The following MKS1 variants were observed in gnomAD, a reference collection of about 807,000 sequenced individuals.
MKS1 encodes the protein tectonic-like complex member MKS1.
A neutral mutation model predicts 83.7 loss-of-function variants in MKS1; 70 were observed. That is an observed-to-expected ratio of 0.84 (90% CI 0.69 to 1.02). The LOEUF (loss-of-function observed/expected upper bound fraction) is 1.02. Ranked by LOEUF, MKS1 falls within the 50% of genes least tolerant of loss-of-function variation. The probability of loss-of-function intolerance (pLI) is 0.00; values close to 1 mark genes in which losing one functional copy is unlikely to be tolerated. For synonymous variants in MKS1, 251 were observed against 273.4 expected (o/e 0.92, Z 0.81); for missense variants, 681 against 726.9 (o/e 0.94, Z 0.73).
Position 58,209,544 on chromosome 17 carries a change from G to A in MKS1, c.1025-961C>T, listed in dbSNP as rs1284687795. The stretch of plus-strand genomic sequence containing the variant: ...GAGAAGGCCTCTCAGAGGCGACACA[G>A]GCTGAGACCTAAACTCAGAAAGAAC... On this transcript the variant is annotated intron_variant, in intron 11 of 17. Coordinates refer to ENST00000393119, the MANE Select transcript of MKS1 (RefSeq NM_017777.4). The surrounding 1 kb of genome is among the most constrained non-coding windows in gnomAD (Gnocchi z 4.1). Among the ~76,000 whole-genome samples the A allele has an allele frequency of 1.3e-5, 2 of 152,190 alleles. No individual in the cohort carries two copies. The highest frequency in any genetic ancestry group is 1.3e-4 in the Admixed American group (2 of 15,280).
intron 5 of MKS1, 148 bp from the exon 6 acceptor site, chr17:58,214,535 G>T (rs1969078197): frequency 7.3e-7 from 1 of 1,366,216 alleles, no homozygotes; most frequent in Non-Finnish European, 1.0e-6. Flanking sequence ...AAACAGAAAT[G>T]ACATCCCTTC....
At chr17:58,216,366 C>T in intron 3 of MKS1, 123 bp from the exon 4 acceptor site, 2 of 1,103,632 alleles carry the variant, frequency 1.8e-6, no homozygotes, top group Non-Finnish European at 1.3e-6. Context: ...TTTTCATAAC[C>T]AACACTAAAC....
intron 9 of MKS1, among the ~76,000 whole-genome samples, chr17:58,211,901 A>C (rs756260180): frequency 1.3e-5 from 2 of 152,188 alleles, no homozygotes; most frequent in Non-Finnish European, 2.9e-5. Context: ...TGACAAACAG[A>C]AATGGCACCC....
chr17:58,219,112 C>T, intron 1 of MKS1, 39 bp downstream of exon 1: 1 of 1,548,922 alleles, frequency 6.5e-7, no homozygotes, highest in African/African-American at 1.4e-5. Flanking sequence ...TCTAAGGACA[C>T]AAAAGCATGG....
chr17:58,210,949 A>C (rs1968837020), intron 10 of MKS1, 31 bp downstream of exon 10: 1 of 1,610,432 alleles, frequency 6.2e-7, no homozygotes, highest in African/African-American at 1.3e-5. Flanking sequence ...GTGCCTAAGC[A>C]TCAAGAGATC....
chr17:58,206,708 TGG>T, intron 15 of MKS1, 161 bp from the exon 16 acceptor site: 1 of 766,096 alleles, frequency 1.3e-6, no homozygotes, highest in Admixed American at 2.1e-5. Context: ...AGGCTAATAC[TGG>T]GCTATTGGGC....
chr17:58,212,356 TGCA>T lies in MKS1; in HGVS notation c.915+19_915+21del, dbSNP rs3217067. On this transcript the variant is annotated intron_variant, in intron 9 of 17. Transcript: ENST00000393119. ...TCCGGCTAAACACAGCTCACAGTGC[TGCA>T]GGAAGCCAAGCTACTCACCATCTCA... The T allele has an allele frequency of 0.099, 158,936 of 1,613,470 alleles. 8,110 individuals carry two copies. Among genetic ancestry groups the T allele is most frequent in the South Asian group, 0.11 (10,267 of 91,066 alleles).
In MKS1 at chr17:58,206,161, C is replaced by T. The variant is rs779093781; in HGVS notation, c.1598G>A (p.Arg533His). 41 of 1,613,932 alleles carry T rather than the reference C, an allele frequency of 2.5e-5. No individual in the cohort carries two copies. Among genetic ancestry groups the T allele is most frequent in the Admixed American group, 3.3e-5 (2 of 60,022 alleles). The change falls in exon 18 of 18, where the codon CGT becomes CAT. Residue 533 changes from arginine (R) to histidine (H), a missense_variant. Coordinates refer to ENST00000393119, the MANE Select transcript of MKS1 (RefSeq NM_017777.4). Reference protein sequence around the residue: ...SSIHNVLEAFRRARRRMQEAR... With the variant: ...SSIHNVLEAFHRARRRMQEAR... ...CTCCTGCATGCGGCGCCGGGCTCGA[C>T]GGAAGGCCTCTGTAAGGAAAGGAGA... is the stretch of plus-strand genomic sequence containing the variant.
At chr17:58,210,018 T>C (rs1185859951) in intron 11 of MKS1, among the ~76,000 whole-genome samples, 2 of 152,126 alleles carry the variant, frequency 1.3e-5, no homozygotes, top group African/African-American at 4.8e-5. Context: ...CTAGGGAAAG[T>C]GAGGGATCAA....
chr17:58,214,812 G>T lies in MKS1; in HGVS notation c.444C>A (p.Ala148=). ...CGACCAAGAATGAAGGCACCTCGCT[G>T]GCTGCAGTGGTCATTCTCTGACAGT... The part of the protein sequence containing the change: ...EEHCQRMTTA[A]SEVPSFLVER... Residue 148 remains alanine (A), a synonymous_variant, in exon 5 of 18, where the codon GCC becomes GCA. Transcript: ENST00000393119. The T allele has an allele frequency of 6.2e-7, 1 of 1,605,040 alleles. No individual in the cohort carries two copies. The highest frequency in any genetic ancestry group is 1.3e-5 in the African/African-American group (1 of 74,992).
chr17:58,206,938 G>T (rs1230139167), intron 15 of MKS1, 147 bp downstream of exon 15: 4 of 1,154,974 alleles, frequency 3.5e-6, no homozygotes, highest in Admixed American at 3.5e-5. Flanking sequence ...TCAAAATGTG[G>T]TCATGACTTC....
At chr17:58,213,730 G>T in intron 7 of MKS1, 35 bp downstream of exon 7, 1 of 1,506,354 alleles carries the variant, frequency 6.6e-7, no homozygotes, top group Non-Finnish European at 9.2e-7. Context: ...GGGAAGGAAT[G>T]CCAGTCTCCA....
Position 58,205,935 on chromosome 17 carries a change from G to A in MKS1, c.*144C>T. 6.6e-7 allele frequency: 1 copy of A among 1,511,490 alleles called. No individual in the cohort carries two copies. The highest frequency in any genetic ancestry group is 1.2e-5 in the South Asian group (1 of 80,030). The allele number at this position is 1,511,490 out of a possible 1,614,324, so 93.6% of individuals were successfully genotyped here. A position where few individuals can be genotyped will look rare whatever the true frequency, so the allele number is the denominator to read the frequency against. On this transcript the variant is annotated 3_prime_UTR_variant, in exon 18 of 18. Coordinates refer to ENST00000393119, the MANE Select transcript of MKS1 (RefSeq NM_017777.4). ...AAGACCCTGCAGAAGGCTAGGCAGA[G>A]GGGCCAGCCGGGAATTTCCCAGCTT...
chr17:58,211,156 C>T (rs1341713851), intron 9 of MKS1, 134 bp from the exon 10 acceptor site: 8 of 767,424 alleles, frequency 1.0e-5, no homozygotes, highest in Admixed American at 1.9e-5. Flanking sequence ...GCACTTTCTC[C>T]CCACCCTGAC....
chr17:58,206,861 G>T, intron 15 of MKS1: 1 of 656,978 alleles, frequency 1.5e-6, no homozygotes. Context: ...GGGAACCAGG[G>T]GAAATCTCTA....
chr17:58,216,138 G>A lies in MKS1; in HGVS notation c.367C>T (p.Arg123Ter), dbSNP rs762482919. 9 of 1,613,986 alleles carry A rather than the reference G, an allele frequency of 5.6e-6. No homozygotes were observed. In the East Asian group the frequency reaches 1.1e-4, roughly 20 times the overall value. The change falls in exon 4 of 18, where the codon CGA becomes TGA. Residue 123 changes from arginine to a stop codon, truncating the protein, a stop_gained. Coordinates refer to ENST00000393119, the MANE Select transcript of MKS1 (RefSeq NM_017777.4). LOFTEE classifies it high-confidence loss of function. ...KLENSGGKKN[R>*]RIFTYTDSDR... Reference sequence around the variant, plus strand: ...GAGTCAGTGTAGGTAAAGATTCGTCGGTTTTTCTTGCCACCCGAATTCTCC... The same window carrying A: ...GAGTCAGTGTAGGTAAAGATTCGTCAGTTTTTCTTGCCACCCGAATTCTCC...
Position 58,209,321 on chromosome 17 carries a change from G to GCA in MKS1, c.1025-739_1025-738insTG, listed in dbSNP as rs1968734006. Among the ~76,000 whole-genome samples the GCA allele has an allele frequency of 6.6e-6, 1 of 152,154 alleles. No individual in the cohort carries two copies. The highest frequency in any genetic ancestry group is 1.5e-5 in the Non-Finnish European group (1 of 68,042). ...ACCATTTACTGAGTGCCTGCTATGT[G>GCA]CTAGTATATCTTAGGGGTATCTTGG... On this transcript the variant is annotated intron_variant, in intron 11 of 17. Transcript: ENST00000393119. The surrounding 1 kb of genome is among the most constrained non-coding windows in gnomAD (Gnocchi z 4.1).
chr17:58,212,356 T>G, intron 9 of MKS1, 22 bp downstream of exon 9: 1 of 1,614,050 alleles, frequency 6.2e-7, no homozygotes, highest in Non-Finnish European at 8.5e-7. Context: ...CTCACAGTGC[T>G]GCAGGAAGCC....
rs914390332 is a variant in MKS1 at position 58,207,462 on chromosome 17, A to C, written c.1274-244T>G. The stretch of plus-strand genomic sequence containing the variant: ...CAGGACAGGTTTCTTAACCTCTCTG[A>C]AGCTCATTCTCCTCATCTAGTAAAA... On this transcript the variant is annotated intron_variant, in intron 14 of 17. Transcript: ENST00000393119. 14 of 590,564 alleles carry C rather than the reference A, an allele frequency of 2.4e-5. No homozygotes were observed. In the African/African-American group the frequency reaches 2.6e-4, roughly 11 times the overall value. The allele number at this position is 590,564 out of a possible 1,614,324, so 36.6% of individuals were successfully genotyped here.
Sources: allele counts gnomAD v4.1 joint callset (sites outside exome capture counted in the v4.1 genomes callset), GRCh38; gene constraint gnomAD v4.1.1; non-coding constraint Gnocchi (gnomAD v3.1); transcripts MANE v1.5; gene names NCBI Gene and HGNC (gene_info 2026-07-23, HGNC 2026-07-21).